SHPRH: variants seen among roughly 807,000 people sequenced by gnomAD.
The protein encoded by SHPRH is SNF2 histone linker PHD RING helicase, also known as E3 ubiquitin-protein ligase SHPRH.
In SHPRH, 106 loss-of-function variants were observed where a neutral mutation model predicts 202.5. That is an observed-to-expected ratio of 0.52 (90% CI 0.45 to 0.62). SHPRH has a LOEUF of 0.62. SHPRH is among the 20% of genes least tolerant of loss of function. The pLI is 0.00. For missense variants in SHPRH, 1,710 were observed against 2,020.0 expected, an observed-to-expected ratio of 0.85 and a Z score of 2.94; for synonymous variants, 729 against 686.0, an observed-to-expected ratio of 1.06 and a Z score of -0.98.
At chr6:145,950,121 T>C in intron 4 of SHPRH, 143 bp downstream of exon 4, 1 of 621,598 alleles carries the variant, frequency 1.6e-6, no homozygotes, top group Non-Finnish European at 2.6e-6. Context: ...TTTTAAAGAA[T>C]TTCTTAGAAA....
chr6:145,903,141 A>G (rs1336273820), intron 25 of SHPRH: 1 of 151,878 alleles, frequency 6.6e-6, no homozygotes, highest in Non-Finnish European at 1.5e-5. Flanking sequence ...CATGTTATAT[A>G]AAACTTATAT....
chr6:145,858,784 A>G, the SHPRH span, among the ~76,000 whole-genome samples: 4 of 152,062 alleles, frequency 2.6e-5, no homozygotes, highest in African/African-American at 7.2e-5. Flanking sequence ...TCAATATTCA[A>G]TAAATGTGTC....
chr6:145,864,448 G>C (rs550820462), exon 3 of SHPRH: 1 of 348,816 alleles, frequency 2.9e-6, no homozygotes, highest in East Asian at 8.1e-5. Context: ...TGGGAGAATG[G>C]GGTGATGTCA....
In SHPRH at chr6:145,890,036, T is replaced by C. The variant is rs75488467; in HGVS notation, c.4875-1936A>G. On this transcript the variant is annotated intron_variant, in intron 28 of 29. Coordinates refer to ENST00000275233, the MANE Select transcript of SHPRH (RefSeq NM_001042683.3). ...CTCCCTGTTCTCCTTCACTAGTTTT[T>C]GTTGTCTCTAATGAATCATTTTCTT... is the stretch of plus-strand genomic sequence containing the variant. Among the ~76,000 whole-genome samples, 507 of 152,340 alleles carry C rather than the reference T, an allele frequency of 3.3e-3. 3 individuals are homozygous for C. Among genetic ancestry groups the C allele is most frequent in the African/African-American group, 0.01 (426 of 41,586 alleles).
At chr6:145,919,631 G>C (rs1263147231) in intron 21 of SHPRH, 140 bp from the exon 22 acceptor site, 1 of 925,124 alleles carries the variant, frequency 1.1e-6, no homozygotes, top group African/African-American at 1.7e-5. Context: ...AGTAGTTCCT[G>C]GGGTCATTTT....
chr6:145,864,958 C>A (rs1779710708), intron 2 of SHPRH, among the ~76,000 whole-genome samples: 4 of 151,848 alleles, frequency 2.6e-5, no homozygotes, highest in Admixed American at 2.0e-4. Flanking sequence ...CACACACACA[C>A]ACACACACAC....
intron 28 of SHPRH, among the ~76,000 whole-genome samples, chr6:145,890,242 T>C (rs1781463060): frequency 6.6e-6 from 1 of 152,178 alleles, no homozygotes; most frequent in Non-Finnish European, 1.5e-5. Flanking sequence ...CCACTGCTTC[T>C]ACTAGCTGCC....
Position 145,867,024 on chromosome 6 carries a change from T to G in SHPRH, c.222-2533A>C, listed in dbSNP as rs80006200. On this transcript the variant is annotated intron_variant, in intron 2 of 2. Transcript: ENST00000417762. ...CAGATTGGCCAGATCTGTATTCTAT[T>G]ATTTATATTAAAAACACTTCAGTTC... Among the ~76,000 whole-genome samples, 186 of 152,304 alleles carry G rather than the reference T, an allele frequency of 1.2e-3. 1 individual carries two copies. Among genetic ancestry groups the G allele is most frequent in the African/African-American group, 4.3e-3 (179 of 41,568 alleles).
At chr6:145,937,292 G>A (rs1398467218) in intron 11 of SHPRH, among the ~76,000 whole-genome samples, 1 of 152,014 alleles carries the variant, frequency 6.6e-6, no homozygotes, top group African/African-American at 2.4e-5. Context: ...CTTCTTTTCT[G>A]GTAGTATTCA....
At chr6:145,917,279 T>C (rs1326166582) in intron 23 of SHPRH, 2 of 152,164 alleles carry the variant, frequency 1.3e-5, no homozygotes, top group South Asian at 2.1e-4. Context: ...TATAAAGTAG[T>C]GTTGACATCA....
intron 2 of SHPRH, among the ~76,000 whole-genome samples, chr6:145,870,599 C>T (rs1232772345): frequency 3.3e-5 from 5 of 152,140 alleles, no homozygotes; most frequent in African/African-American, 1.2e-4. Flanking sequence ...CATCTGTGAA[C>T]AAAGACAGTT....
At chr6:145,874,681 GT>G (rs1322167819) in intron 2 of SHPRH, among the ~76,000 whole-genome samples, 2 of 152,196 alleles carry the variant, frequency 1.3e-5, no homozygotes, top group East Asian at 1.9e-4. Context: ...TCCCCTTGAA[GT>G]TTTTTCATCT....
chr6:145,939,561 T>A (rs1348496159), intron 11 of SHPRH, among the ~76,000 whole-genome samples: 1 of 152,140 alleles, frequency 6.6e-6, no homozygotes, highest in Non-Finnish European at 1.5e-5. Flanking sequence ...GTAACTCTGA[T>A]AGTCATGTAC....
At chr6:145,864,943 T>TCACACACA (rs71552940) in intron 2 of SHPRH, among the ~76,000 whole-genome samples, 72 of 102,822 alleles carry the variant, frequency 7.0e-4, no homozygotes, top group Middle Eastern at 5.4e-3. Context: ...ACACACACAC[T>TCACACACA]CACACACACA....
chr6:145,927,523 T>C (rs1784988225), intron 14 of SHPRH, among the ~76,000 whole-genome samples: 1 of 151,804 alleles, frequency 6.6e-6, no homozygotes, highest in African/African-American at 2.4e-5. Flanking sequence ...TTTAAAATTA[T>C]ACTGAAATAT....
chr6:145,953,998 C>CA (rs1269704302), intron 2 of SHPRH, among the ~76,000 whole-genome samples: 27 of 136,610 alleles, frequency 2.0e-4, no homozygotes, highest in Middle Eastern at 3.8e-3. Flanking sequence ...CCGCCAAGGC[C>CA]AAAAAAAAAA....
At chr6:145,869,967 A>G (rs978173054) in intron 2 of SHPRH, among the ~76,000 whole-genome samples, 3 of 152,024 alleles carry the variant, frequency 2.0e-5, no homozygotes, top group Non-Finnish European at 4.4e-5. Flanking sequence ...GAGCCTTGCT[A>G]TCCACAAACA....
intron 13 of SHPRH, among the ~76,000 whole-genome samples, chr6:145,933,741 C>A (rs1021916639): frequency 2.6e-5 from 4 of 152,142 alleles, no homozygotes; most frequent in African/African-American, 9.7e-5. Context: ...TGTCTATAAC[C>A]TGCTTAAAAG....
At chr6:145,888,824 G>C (rs962514720) in intron 28 of SHPRH, among the ~76,000 whole-genome samples, 1 of 152,168 alleles carries the variant, frequency 6.6e-6, no homozygotes, top group Admixed American at 6.5e-5. Flanking sequence ...TGTCAGTGGA[G>C]ATAGCAGTCA....
Sources: allele counts gnomAD v4.1 joint callset (sites outside exome capture counted in the v4.1 genomes callset), GRCh38; gene constraint gnomAD v4.1.1; transcripts MANE v1.5; gene names NCBI Gene and HGNC (gene_info 2026-07-23, HGNC 2026-07-21).